The following PRMT2 variants were observed in gnomAD, a reference collection of about 807,000 sequenced individuals.
PRMT2 encodes protein arginine methyltransferase 2, also known as protein arginine N-methyltransferase 2.
Under a neutral mutation model 57.6 loss-of-function variants are expected in PRMT2, and 26 were observed. The observed-to-expected ratio is 0.45, with a 90% CI of 0.33 to 0.63. PRMT2 has a LOEUF of 0.63. Ranked by LOEUF, PRMT2 falls within the 20% of genes least tolerant of loss-of-function variation. The pLI is 0.02. For synonymous variants in PRMT2, 219 were observed against 220.0 expected (o/e 1.00, Z 0.04); for missense variants, 472 against 564.4 (o/e 0.84, Z 1.66).
rs76937225 is a variant in PRMT2 at position 46,649,770 on chromosome 21, C to T, written c.654+31C>T. The stretch of plus-strand genomic sequence containing the variant: ...GGCGGGCGTGCGGGCAGCTGGGGGC[C>T]GGAGCTGGGGGGCTTCTGAGCACGG... On this transcript the variant is annotated intron_variant, in intron 7 of 11. Transcript: ENST00000355680. The surrounding 1 kb of genome is among the most constrained non-coding windows in gnomAD (Gnocchi z 4.8). The T allele has an allele frequency of 0.037, 59,741 of 1,600,606 alleles. 1,265 individuals are homozygous for T. The highest frequency in any genetic ancestry group is 0.077 in the Middle Eastern group (457 of 5,972).
intron 10 of PRMT2, among the ~76,000 whole-genome samples, chr21:46,662,598 C>T (rs537864954): frequency 1.3e-5 from 2 of 152,252 alleles, no homozygotes; most frequent in East Asian, 1.9e-4. Flanking sequence ...CCAGTTATAC[C>T]CATCCCCGAG....
chr21:46,648,444 T>A lies in PRMT2; in HGVS notation c.328-14T>A, dbSNP rs200191723. On this transcript the variant is annotated splice_polypyrimidine_tract_variant and intron_variant, in intron 5 of 11. Coordinates refer to ENST00000355680, the MANE Select transcript of PRMT2 (RefSeq NM_206962.4). This position sits in a 1 kb window ranked among gnomAD's most constrained non-coding sequence, Gnocchi z 4.8. Reference sequence around the variant, plus strand: ...AGGTCACAGGCAGTGATTCTGAATGTGCATTTCTTCCAGAAACTCCACTTG... The same window carrying A: ...AGGTCACAGGCAGTGATTCTGAATGAGCATTTCTTCCAGAAACTCCACTTG... 59 of 1,613,390 alleles carry A rather than the reference T, an allele frequency of 3.7e-5. No individual in the cohort carries two copies. Among genetic ancestry groups the A allele is most frequent in the Non-Finnish European group, 4.7e-5 (55 of 1,179,604 alleles).
At chr21:46,653,936 G>GTTTTTT in intron 7 of PRMT2, 1 of 958,750 alleles carries the variant, frequency 1.0e-6, no homozygotes, top group Non-Finnish European at 1.2e-6. Flanking sequence ...TTCTTTTCTT[G>GTTTTTT]TTTTTTTTTT....
intron 7 of PRMT2, chr21:46,652,225 A>C (rs987593420): frequency 7.3e-6 from 10 of 1,377,830 alleles, no homozygotes; most frequent in Non-Finnish European, 9.4e-6. Flanking sequence ...GAAACAAAAA[A>C]ATTGCTACAA....
chr21:46,648,728 G>C lies in PRMT2; in HGVS notation c.489+109G>C. 1 of 1,391,536 alleles carries C rather than the reference G, an allele frequency of 7.2e-7. No homozygotes were observed. The highest frequency in any genetic ancestry group is 2.3e-5 in the East Asian group (1 of 43,378). The allele number at this position is 1,391,536 out of a possible 1,614,324, so 86.2% of individuals were successfully genotyped here. ...ACCCTGAGCTGTTGGGGGCTCACCG[G>C]TGACTCCATGGTCTTGTTGAGCACC... is the stretch of plus-strand genomic sequence containing the variant. On this transcript the variant is annotated intron_variant, in intron 6 of 11. Coordinates refer to ENST00000355680, the MANE Select transcript of PRMT2 (RefSeq NM_206962.4). This position sits in a 1 kb window ranked among gnomAD's most constrained non-coding sequence, Gnocchi z 4.8.
intron 3 of PRMT2, 58 bp downstream of exon 3, chr21:46,637,048 A>T: frequency 6.3e-7 from 1 of 1,575,362 alleles, no homozygotes; most frequent in Non-Finnish European, 8.7e-7. Flanking sequence ...CATTACAGAG[A>T]GCTAAGCGTC....
chr21:46,640,438 ATTTTTTT>A (rs61531632), intron 3 of PRMT2, among the ~76,000 whole-genome samples: 2 of 116,466 alleles, frequency 1.7e-5, no homozygotes, highest in African/African-American at 7.1e-5. Flanking sequence ...TTTTGCCTAC[ATTTTTTT>A]TTTTTTTTTT....
At chr21:46,650,107 G>A (rs957476271) in intron 7 of PRMT2, among the ~76,000 whole-genome samples, 1 of 152,202 alleles carries the variant, frequency 6.6e-6, no homozygotes, top group African/African-American at 2.4e-5. Flanking sequence ...TGGCCCCAGT[G>A]ATGCTGTGAA....
chr21:46,654,103 G>A, intron 7 of PRMT2: 12 of 985,380 alleles, frequency 1.2e-5, no homozygotes, highest in Non-Finnish European at 1.4e-5. Context: ...CCCAGCAGCT[G>A]GACCCAGAGA....
chr21:46,664,063 C>T (rs1328836710), intron 11 of PRMT2, among the ~76,000 whole-genome samples: 1 of 152,170 alleles, frequency 6.6e-6, no homozygotes, highest in Non-Finnish European at 1.5e-5. Flanking sequence ...GAATGTTCTT[C>T]TTTGGGCTCA....
rs1157720280 is a variant in PRMT2, at chr21:46,648,209, C to T, written c.328-249C>T. 3 of 450,594 alleles carry T rather than the reference C, an allele frequency of 6.7e-6. No individual in the cohort carries two copies. Among genetic ancestry groups the T allele is most frequent in the South Asian group, 7.3e-5 (2 of 27,294 alleles). 27.9% of individuals were successfully genotyped at this position (450,594 alleles called of 1,614,324 possible). A position where few individuals can be genotyped will look rare whatever the true frequency, so the allele number is the denominator to read the frequency against. On this transcript the variant is annotated intron_variant, in intron 5 of 11. Transcript: ENST00000355680. The surrounding 1 kb of genome is among the most constrained non-coding windows in gnomAD (Gnocchi z 4.8). The stretch of plus-strand genomic sequence containing the variant: ...TATCTCTTTGTCATACATGGTTGTG[C>T]ACCTTTCTTGTTAAATTTGTTCCTA...
At chr21:46,646,829 A>G (rs1325955093) in intron 5 of PRMT2, among the ~76,000 whole-genome samples, 1 of 152,216 alleles carries the variant, frequency 6.6e-6, no homozygotes, top group Non-Finnish European at 1.5e-5. Flanking sequence ...GCTGTAACAA[A>G]ATACCTTAGA....
At chr21:46,653,033 G>A (rs1256971079) in intron 7 of PRMT2, 1 of 1,137,972 alleles carries the variant, frequency 8.8e-7, no homozygotes. Context: ...AAGACTGCCA[G>A]ACTCAGTCTT....
chr21:46,660,701 C>T, intron 8 of PRMT2, 132 bp from the exon 9 acceptor site: 1 of 1,193,500 alleles, frequency 8.4e-7, no homozygotes. Flanking sequence ...TCTGGGGTTC[C>T]AGGGCCCCAG....
In PRMT2 at chr21:46,643,609, C is replaced by T. The variant is rs200042390; in HGVS notation, c.114C>T (p.Ile38=). 2.4e-5 allele frequency: 38 copies of T among 1,610,708 alleles called. No individual in the cohort carries two copies. The highest frequency in any genetic ancestry group is 2.1e-4 in the South Asian group (19 of 90,752). Residue 38 remains isoleucine, a synonymous_variant, in exon 4 of 12, where the codon ATC becomes ATT. Transcript: ENST00000355680. ...EGVQPEEFVA[I]ADYAATDETQ... ...TACAGCCAGAGGAGTTTGTGGCCAT[C>T]GCGGACTACGCTGCCACCGATGAGA...
intron 7 of PRMT2, chr21:46,652,847 G>A (rs1191772227): frequency 1.5e-6 from 2 of 1,290,728 alleles, no homozygotes; most frequent in African/African-American, 3.1e-5. Flanking sequence ...ATCATTAGTT[G>A]TTACAGGATC....
intron 10 of PRMT2, among the ~76,000 whole-genome samples, chr21:46,662,626 G>T (rs1384472215): frequency 6.6e-6 from 1 of 152,144 alleles, no homozygotes; most frequent in Non-Finnish European, 1.5e-5. Flanking sequence ...GCGTGGAGGG[G>T]GCAGTGACCT....
intron 7 of PRMT2, chr21:46,653,970 A>G: frequency 9.9e-7 from 1 of 1,005,784 alleles, no homozygotes; most frequent in Non-Finnish European, 1.2e-6. Context: ...GCATTTCCGA[A>G]CTTTCACGTC....
At position 46,645,723 on chromosome 21, in the gene PRMT2, T is replaced by G. The variant is rs530523532; in HGVS notation, c.327+1235T>G. 8.7e-5 allele frequency among the ~76,000 whole-genome samples: 13 copies of G among 149,904 alleles called. No individual in the cohort carries two copies. The South Asian group carries it at 2.1e-3, about 24-fold the overall frequency. ...TAGAAGGTTTTTTGTTTGTTTTTGT[T>G]TTTTTTTTTTTGAGACGTAGTCTTG... On this transcript the variant is annotated intron_variant, in intron 5 of 11. Transcript: ENST00000355680.
Sources: allele counts gnomAD v4.1 joint callset (sites outside exome capture counted in the v4.1 genomes callset), GRCh38; gene constraint gnomAD v4.1.1; non-coding constraint Gnocchi (gnomAD v3.1); transcripts MANE v1.5; gene names NCBI Gene and HGNC (gene_info 2026-07-23, HGNC 2026-07-21).